The following STXBP6 variants were observed in gnomAD, a reference collection of about 807,000 sequenced individuals.
STXBP6 encodes syntaxin-binding protein 6.
A neutral mutation model predicts 26.9 loss-of-function variants in STXBP6; 21 were observed. The observed-to-expected ratio is 0.78, with a 90% CI of 0.55 to 1.12. STXBP6 has a LOEUF of 1.12. STXBP6 is among the 50% of genes most tolerant of loss of function. STXBP6 has a pLI of 0.00. For missense variants in STXBP6, 232 were observed against 257.9 expected (o/e 0.90, Z 0.69); for synonymous variants, 97 against 92.6 (o/e 1.05, Z -0.27).
In STXBP6 at chr14:24,966,389, G is replaced by C. The variant is rs1182301289; in HGVS notation, c.154+8276C>G. Among the ~76,000 whole-genome samples the C allele has an allele frequency of 4.2e-5, 6 of 142,408 alleles. No homozygotes were observed. The East Asian group carries it at 1.2e-3, about 29-fold the overall frequency. 93.4% of individuals were successfully genotyped at this position (142,408 alleles called of 152,430 possible). A position where few individuals can be genotyped will look rare whatever the true frequency, so the allele number is the denominator to read the frequency against. ...GTTCTCCAGATCTAGCCCTGTCTTGGAAAAAAAAAAAAAAAATGACAAGTG... is the reference window on the plus strand; with the variant it reads ...GTTCTCCAGATCTAGCCCTGTCTTGCAAAAAAAAAAAAAAAATGACAAGTG... On this transcript the variant is annotated intron_variant, in intron 2 of 5. Transcript: ENST00000323944.
At chr14:25,031,352 T>C (rs1376346536) in intron 1 of STXBP6, among the ~76,000 whole-genome samples, 1 of 152,138 alleles carries the variant, frequency 6.6e-6, no homozygotes, top group East Asian at 1.9e-4. Context: ...TTACTACTCA[T>C]TTATGGTAGA....
intron 2 of STXBP6, among the ~76,000 whole-genome samples, chr14:24,872,453 C>T (rs985978957): frequency 1.8e-4 from 27 of 152,110 alleles, no homozygotes; most frequent in Non-Finnish European, 3.1e-4. Flanking sequence ...AGTTCCAAGG[C>T]ACTTGAGACC....
chr14:24,994,225 C>T (rs565298111), intron 1 of STXBP6, among the ~76,000 whole-genome samples: 1 of 152,174 alleles, frequency 6.6e-6, no homozygotes, highest in Non-Finnish European at 1.5e-5. Context: ...TTACCTCCGA[C>T]CTTTAACGGT....
chr14:24,855,602 T>C (rs2069300759), intron 4 of STXBP6, among the ~76,000 whole-genome samples: 1 of 152,048 alleles, frequency 6.6e-6, no homozygotes, highest in African/African-American at 2.4e-5. Context: ...GCAATGAAAT[T>C]ATAGAAAAGG....
intron 1 of STXBP6, among the ~76,000 whole-genome samples, chr14:25,017,860 C>T (rs2075183282): frequency 6.9e-6 from 1 of 144,792 alleles, no homozygotes; most frequent in Non-Finnish European, 1.5e-5. Context: ...CTGTGAGGCT[C>T]AATTGCCTCA....
intron 2 of STXBP6, among the ~76,000 whole-genome samples, chr14:24,893,134 T>C (rs1320493149): frequency 6.6e-6 from 1 of 152,176 alleles, no homozygotes; most frequent in African/African-American, 2.4e-5. Flanking sequence ...CCAGAGATAG[T>C]GACTGTCTAA....
chr14:24,970,650 G>T (rs1414864715), intron 2 of STXBP6, among the ~76,000 whole-genome samples: 1 of 152,028 alleles, frequency 6.6e-6, no homozygotes, highest in Non-Finnish European at 1.5e-5. Context: ...TTTATTTCTG[G>T]GTTTGGGTTA....
intron 1 of STXBP6, among the ~76,000 whole-genome samples, chr14:25,043,388 T>A (rs7159223): frequency 0.4 from 60,197 of 151,946 alleles, 12,436 homozygotes; most frequent in African/African-American, 0.52. Context: ...CATTTTTTTT[T>A]AAAAAAACAA....
At chr14:24,953,278 C>A (rs550036052) in intron 2 of STXBP6, among the ~76,000 whole-genome samples, 1 of 152,278 alleles carries the variant, frequency 6.6e-6, no homozygotes, top group Non-Finnish European at 1.5e-5. Flanking sequence ...TCCAGGGTAA[C>A]CTCAGCTGAA....
intron 1 of STXBP6, among the ~76,000 whole-genome samples, chr14:25,012,879 A>C (rs1180547714): frequency 1.3e-5 from 2 of 152,146 alleles, no homozygotes; most frequent in Non-Finnish European, 2.9e-5. Context: ...GATTCAGGAG[A>C]CCACACAAAG....
At chr14:25,027,100 C>A (rs1223052885) in intron 1 of STXBP6, among the ~76,000 whole-genome samples, 1 of 152,194 alleles carries the variant, frequency 6.6e-6, no homozygotes, top group Non-Finnish European at 1.5e-5. Context: ...CAAGCTGTTG[C>A]AGACCAATTT....
At chr14:24,814,395 G>A (rs897635507) in intron 5 of STXBP6, among the ~76,000 whole-genome samples, 8 of 152,220 alleles carry the variant, frequency 5.3e-5, no homozygotes, top group Non-Finnish European at 8.8e-5. Flanking sequence ...GTGGTTAAGT[G>A]TTGTGCATAA....
intron 2 of STXBP6, among the ~76,000 whole-genome samples, chr14:24,872,078 A>G (rs1362587083): frequency 1.3e-5 from 2 of 152,198 alleles, no homozygotes; most frequent in Non-Finnish European, 2.9e-5. Flanking sequence ...AACTAACAAT[A>G]TCAAACAAAT....
chr14:24,882,669 C>A lies in STXBP6; in HGVS notation c.155-25512G>T, dbSNP rs1006222515. The stretch of plus-strand genomic sequence containing the variant: ...CATTCTCTTCTAGTTCACTACCCCA[C>A]CCCTAGTCATTCTCAGCAAGGGAAT... On this transcript the variant is annotated intron_variant, in intron 2 of 5. Transcript: ENST00000323944. Among the ~76,000 whole-genome samples the A allele has an allele frequency of 2.0e-5, 3 of 152,264 alleles. No individual in the cohort carries two copies. The East Asian group carries it at 5.8e-4, about 29-fold the overall frequency.
chr14:25,015,477 C>T (rs1396011763), intron 1 of STXBP6, among the ~76,000 whole-genome samples: 1 of 151,262 alleles, frequency 6.6e-6, no homozygotes, highest in Non-Finnish European at 1.5e-5. Flanking sequence ...CCTGGCAAGA[C>T]AATATTCTCC....
intron 1 of STXBP6, among the ~76,000 whole-genome samples, chr14:25,004,913 A>G (rs1035477494): frequency 6.6e-6 from 1 of 152,198 alleles, no homozygotes; most frequent in African/African-American, 2.4e-5. Context: ...ATCCATGAGC[A>G]CTGACTCTGC....
chr14:24,832,526 T>C (rs2068485763), intron 4 of STXBP6, among the ~76,000 whole-genome samples: 1 of 152,190 alleles, frequency 6.6e-6, no homozygotes. Flanking sequence ...AAAATCCCAA[T>C]GGGTATCATG....
intron 2 of STXBP6, among the ~76,000 whole-genome samples, chr14:24,926,472 TAA>T (rs1183888620): frequency 6.6e-6 from 1 of 152,104 alleles, no homozygotes; most frequent in Non-Finnish European, 1.5e-5. Context: ...TTAAACAAGT[TAA>T]AGAGTCAAAA....
intron 4 of STXBP6, among the ~76,000 whole-genome samples, chr14:24,842,756 A>T (rs2068823321): frequency 6.6e-6 from 1 of 152,148 alleles, no homozygotes; most frequent in Non-Finnish European, 1.5e-5. Context: ...GATAGCCCCA[A>T]ATGATAAATT....
Sources: gnomAD v4.1 joint callset for allele counts (sites outside exome capture counted in the v4.1 genomes callset) on GRCh38, gnomAD v4.1.1 for gene constraint, MANE v1.5 for transcripts, NCBI Gene and HGNC (gene_info 2026-07-23, HGNC 2026-07-21) for gene names.